Variants in PRDM5 observed in about 807,000 individuals in gnomAD.
PRDM5 encodes PR domain zinc finger protein 5.
Under a neutral mutation model 81.2 loss-of-function variants are expected in PRDM5, and 56 were observed. The ratio of observed to expected loss-of-function variants is 0.69; its 90% CI spans 0.56 to 0.86. The LOEUF is 0.86. Among genes scored for constraint, PRDM5 ranks in the 40% least tolerant of loss-of-function variants. PRDM5 has a pLI of 0.00. For synonymous variants in PRDM5, 267 were observed against 256.4 expected, an observed-to-expected ratio of 1.04 and a Z score of -0.39; for missense variants, 697 against 770.1, an observed-to-expected ratio of 0.91 and a Z score of 1.12.
At chr4:120,747,847 A>G (rs751390848) in intron 14 of PRDM5, among the ~76,000 whole-genome samples, 9 of 152,250 alleles carry the variant, frequency 5.9e-5, no homozygotes, top group African/African-American at 1.4e-4. Flanking sequence ...TGAAACCTGT[A>G]TAAGTTAATT....
intron 14 of PRDM5, among the ~76,000 whole-genome samples, chr4:120,736,904 C>T (rs1207013651): frequency 6.6e-6 from 1 of 152,174 alleles, no homozygotes; most frequent in Non-Finnish European, 1.5e-5. Context: ...CTATAATTTG[C>T]AAAAGTCTAC....
Position 120,821,164 on chromosome 4 carries a change from G to A in PRDM5, c.475+7C>T, listed in dbSNP as rs780189960. The A allele has an allele frequency of 4.3e-6, 7 of 1,613,188 alleles. No homozygotes were observed. Among genetic ancestry groups the A allele is most frequent in the Non-Finnish European group, 5.9e-6 (7 of 1,179,214 alleles). ...TTCTCCCAGATCACCAATTAAAGAT[G>A]CAATACCTTTTCTGCCCGCTGTTGA... On this transcript the variant is annotated splice_region_variant and intron_variant, in intron 4 of 15. Transcript: ENST00000264808.
rs576774551 is a variant in PRDM5 at position 120,909,768 on chromosome 4, G to T, written c.94-2211C>A. 3.8e-3 allele frequency among the ~76,000 whole-genome samples: 581 copies of T among 152,218 alleles called. 1 individual carries two copies. Among genetic ancestry groups the T allele is most frequent in the Non-Finnish European group, 7.0e-3 (476 of 68,020 alleles). The stretch of plus-strand genomic sequence containing the variant: ...TGCAGGCCTAGTAAGATTATTAAAA[G>T]ACTTAAAGCTCTGAAAATTCAGATT... On this transcript the variant is annotated intron_variant, in intron 1 of 15. Coordinates refer to ENST00000264808, the MANE Select transcript of PRDM5 (RefSeq NM_018699.4).
chr4:120,871,440 C>A (rs921271965), intron 2 of PRDM5, among the ~76,000 whole-genome samples: 2 of 152,126 alleles, frequency 1.3e-5, no homozygotes, highest in Non-Finnish European at 2.9e-5. Flanking sequence ...TTGACACGAC[C>A]CTCCTGATAT....
intron 15 of PRDM5, among the ~76,000 whole-genome samples, chr4:120,703,992 G>A (rs1419235686): frequency 3.3e-5 from 5 of 152,166 alleles, no homozygotes; most frequent in Non-Finnish European, 7.3e-5. Flanking sequence ...CACTGTGGTG[G>A]GAGGGATACA....
At chr4:120,898,970 T>C (rs1171521541) in intron 2 of PRDM5, among the ~76,000 whole-genome samples, 2 of 152,156 alleles carry the variant, frequency 1.3e-5, no homozygotes, top group Admixed American at 1.3e-4. Flanking sequence ...AACGAGCACA[T>C]CATTTTTTTC....
chr4:120,905,550 G>C (rs187417209), intron 2 of PRDM5, among the ~76,000 whole-genome samples: 2 of 152,214 alleles, frequency 1.3e-5, no homozygotes, highest in East Asian at 3.9e-4. Context: ...GCCCTTAAGA[G>C]CAAAAACTAA....
At chr4:120,877,160 A>G (rs1254927144) in intron 2 of PRDM5, among the ~76,000 whole-genome samples, 2 of 152,198 alleles carry the variant, frequency 1.3e-5, no homozygotes, top group African/African-American at 2.4e-5. Context: ...GTTCAGAATC[A>G]TAAACTTAAC....
intron 3 of PRDM5, among the ~76,000 whole-genome samples, chr4:120,835,966 T>A (rs1320557572): frequency 6.6e-6 from 1 of 152,030 alleles, no homozygotes; most frequent in Non-Finnish European, 1.5e-5. Context: ...AGTGGCTTCA[T>A]AATGAGGGCA....
At chr4:120,819,829 T>C (rs1295244888) in intron 4 of PRDM5, among the ~76,000 whole-genome samples, 1 of 152,170 alleles carries the variant, frequency 6.6e-6, no homozygotes, top group African/African-American at 2.4e-5. Context: ...CCAAATAGCA[T>C]AATGCATATA....
intron 2 of PRDM5, among the ~76,000 whole-genome samples, chr4:120,881,330 A>G (rs1762823707): frequency 6.6e-6 from 1 of 152,202 alleles, no homozygotes; most frequent in South Asian, 2.1e-4. Flanking sequence ...AAACGGCACA[A>G]ATCCATTAAA....
chr4:120,778,168 AT>A (rs1561196047), intron 12 of PRDM5, among the ~76,000 whole-genome samples: 2 of 151,932 alleles, frequency 1.3e-5, no homozygotes, highest in East Asian at 1.9e-4. Context: ...TACTTTTAGA[AT>A]TTTTTTTCAA....
At chr4:120,761,371 C>T (rs925852965) in intron 13 of PRDM5, among the ~76,000 whole-genome samples, 15 of 152,114 alleles carry the variant, frequency 9.9e-5, no homozygotes, top group South Asian at 2.1e-4. Flanking sequence ...GACAACCACC[C>T]ACTAGCAAGT....
At chr4:120,738,057 A>C (rs1266949494) in intron 14 of PRDM5, among the ~76,000 whole-genome samples, 1 of 152,238 alleles carries the variant, frequency 6.6e-6, no homozygotes, top group Admixed American at 6.5e-5. Flanking sequence ...TATAAAAATA[A>C]GTTTTCTAAA....
chr4:120,769,839 G>A (rs57504308), intron 13 of PRDM5, among the ~76,000 whole-genome samples: 4,804 of 152,072 alleles, frequency 0.032, 256 homozygotes, highest in African/African-American at 0.11. Context: ...ACAACAAAAC[G>A]TCTGTTTATA....
chr4:120,902,182 C>T (rs953353980), intron 2 of PRDM5, among the ~76,000 whole-genome samples: 6 of 152,120 alleles, frequency 3.9e-5, no homozygotes, highest in African/African-American at 4.8e-5. Flanking sequence ...CTGGATTCAC[C>T]AGTAGCCACT....
chr4:120,880,038 A>G (rs917525591), intron 2 of PRDM5, among the ~76,000 whole-genome samples: 1 of 152,182 alleles, frequency 6.6e-6, no homozygotes, highest in East Asian at 1.9e-4. Flanking sequence ...TAATGTATCA[A>G]TATTGGTTCA....
intron 10 of PRDM5, among the ~76,000 whole-genome samples, chr4:120,797,580 T>C (rs1751512217): frequency 6.6e-6 from 1 of 152,154 alleles, no homozygotes; most frequent in African/African-American, 2.4e-5. Flanking sequence ...GAGACTAGGA[T>C]AATTACATGC....
intron 13 of PRDM5, among the ~76,000 whole-genome samples, chr4:120,759,306 T>G (rs1421316953): frequency 4.6e-5 from 7 of 152,220 alleles, no homozygotes; most frequent in Admixed American, 4.6e-4. Context: ...TATAAGCAAT[T>G]TATTTGAAAA....
Sources: gnomAD v4.1 joint callset for allele counts (sites outside exome capture counted in the v4.1 genomes callset) on GRCh38, gnomAD v4.1.1 for gene constraint, MANE v1.5 for transcripts, NCBI Gene and HGNC (gene_info 2026-07-23, HGNC 2026-07-21) for gene names.